Variants in PPFIA2 observed in about 807,000 individuals in gnomAD.
The protein encoded by PPFIA2 is PPFI scaffold protein A2.
Under a neutral mutation model 175.5 loss-of-function variants are expected in PPFIA2, and 46 were observed. The ratio of observed to expected loss-of-function variants is 0.26; its 90% CI spans 0.21 to 0.34. The LOEUF is 0.34. PPFIA2 is among the 10% of genes least tolerant of loss of function. The pLI is 1.00. For synonymous variants in PPFIA2, 568 were observed against 511.4 expected (o/e 1.11, Z -1.49); for missense variants, 1,179 against 1,506.1 (o/e 0.78, Z 3.60).
At chr12:81,706,189 G>A (rs112270774) in intron 3 of PPFIA2, among the ~76,000 whole-genome samples, 2 of 152,062 alleles carry the variant, frequency 1.3e-5, no homozygotes, top group African/African-American at 4.8e-5. Context: ...TGTCCAATAC[G>A]GAGTTTGCAA....
Position 81,563,223 on chromosome 12 carries a change from C to T in PPFIA2, c.304-105357G>A, listed in dbSNP as rs529926512. On this transcript the variant is annotated intron_variant, in intron 4 of 32. Coordinates refer to ENST00000549396, the MANE Select transcript of PPFIA2 (RefSeq NM_003625.5). ...TCTCCTCTGGTTTGTGACTCCACTACTTAGTCTGGGTCCCCCTTTCTTCTG... is the reference window on the plus strand; with the variant it reads ...TCTCCTCTGGTTTGTGACTCCACTATTTAGTCTGGGTCCCCCTTTCTTCTG... 1.6e-4 allele frequency among the ~76,000 whole-genome samples: 24 copies of T among 152,308 alleles called. No individual in the cohort carries two copies. The South Asian group carries it at 4.8e-3, about 30-fold the overall frequency.
At position 81,400,863 on chromosome 12, in the gene PPFIA2, G is replaced by T. The variant is rs140471222; in HGVS notation, c.762+4924C>A. On this transcript the variant is annotated intron_variant, in intron 8 of 32. Coordinates refer to ENST00000549396, the MANE Select transcript of PPFIA2 (RefSeq NM_003625.5). Reference sequence around the variant, plus strand: ...ATGCCGAGGATGTGCCTCATTTGTTGTATGGTCATTGAAGGATCAGTCAAC... The same window carrying T: ...ATGCCGAGGATGTGCCTCATTTGTTTTATGGTCATTGAAGGATCAGTCAAC... 2.8e-4 allele frequency among the ~76,000 whole-genome samples: 43 copies of T among 152,232 alleles called. 1 individual carries two copies. In the East Asian group the frequency reaches 7.3e-3, roughly 26 times the overall value.
At chr12:81,261,113 C>T (rs2035343210) in intron 32 of PPFIA2, 2 of 151,964 alleles carry the variant, frequency 1.3e-5, no homozygotes, top group South Asian at 2.1e-4. Flanking sequence ...TATTTTGTTC[C>T]TATATGTCTT....
chr12:81,436,855 G>GC (rs1192220998), intron 7 of PPFIA2, among the ~76,000 whole-genome samples: 1 of 152,080 alleles, frequency 6.6e-6, no homozygotes, highest in African/African-American at 2.4e-5. Context: ...TTCGAGTTAA[G>GC]CCACATGGAC....
intron 5 of PPFIA2, among the ~76,000 whole-genome samples, chr12:81,450,574 T>C (rs2052357104): frequency 6.6e-6 from 1 of 152,202 alleles, no homozygotes; most frequent in African/African-American, 2.4e-5. Flanking sequence ...AAAAATTTTC[T>C]CCCATTCTGT....
intron 3 of PPFIA2, among the ~76,000 whole-genome samples, chr12:81,724,235 A>G (rs1046267514): frequency 7.3e-5 from 11 of 151,016 alleles, no homozygotes; most frequent in Non-Finnish European, 1.3e-4. Flanking sequence ...ACATTGTGTT[A>G]TGCCTGACTG....
At chr12:81,418,592 T>C (rs1437320297) in intron 7 of PPFIA2, among the ~76,000 whole-genome samples, 1 of 151,974 alleles carries the variant, frequency 6.6e-6, no homozygotes, top group Non-Finnish European at 1.5e-5. Flanking sequence ...TCCACAATGG[T>C]AGAGAAGTTG....
intron 14 of PPFIA2, among the ~76,000 whole-genome samples, chr12:81,366,578 T>G (rs916139544): frequency 4.6e-5 from 7 of 151,706 alleles, no homozygotes; most frequent in Non-Finnish European, 1.0e-4. Context: ...TAATTTGGCA[T>G]TTGGCATCTG....
intron 4 of PPFIA2, among the ~76,000 whole-genome samples, chr12:81,577,494 A>T (rs1278961892): frequency 2.6e-5 from 4 of 151,960 alleles, no homozygotes; most frequent in Non-Finnish European, 5.9e-5. Context: ...TGTTCAAAAC[A>T]ATTCAAAGAA....
chr12:81,649,093 G>C (rs73364549), intron 4 of PPFIA2, among the ~76,000 whole-genome samples: 1,782 of 151,432 alleles, frequency 0.012, 55 homozygotes, highest in East Asian at 0.093. Flanking sequence ...TCAAAAACAA[G>C]GAAAAAAATA....
At position 81,277,284 on chromosome 12, in the gene PPFIA2, A is replaced by G. The variant is rs756964504; in HGVS notation, c.3310+33T>C. The G allele has an allele frequency of 6.0e-6, 9 of 1,508,834 alleles. No individual in the cohort carries two copies. The South Asian group carries it at 6.5e-5, about 11-fold the overall frequency. 93.5% of individuals were successfully genotyped at this position (1,508,834 alleles called of 1,614,324 possible). A position where few individuals can be genotyped will look rare whatever the true frequency, so the allele number is the denominator to read the frequency against. Reference sequence around the variant, plus strand: ...AAGTGAAAGCTAAAAACCCCAGAATAAAGGCATTTCATATGAAAGAAAGAT... The same window carrying G: ...AAGTGAAAGCTAAAAACCCCAGAATGAAGGCATTTCATATGAAAGAAAGAT... On this transcript the variant is annotated intron_variant, in intron 28 of 32. Transcript: ENST00000549396.
At chr12:81,753,345 T>C (rs1337071641) in intron 3 of PPFIA2, among the ~76,000 whole-genome samples, 1 of 152,014 alleles carries the variant, frequency 6.6e-6, no homozygotes. Context: ...ATACAAAGAT[T>C]GACAGAAATA....
intron 4 of PPFIA2, among the ~76,000 whole-genome samples, chr12:81,476,693 G>T (rs2057514838): frequency 6.6e-6 from 1 of 152,088 alleles, no homozygotes; most frequent in East Asian, 1.9e-4. Context: ...ATTTGACCCA[G>T]CAATCCAATT....
intron 30 of PPFIA2, among the ~76,000 whole-genome samples, chr12:81,264,609 A>G (rs1433012301): frequency 6.6e-6 from 1 of 152,220 alleles, no homozygotes; most frequent in Non-Finnish European, 1.5e-5. Context: ...GAATAATTCT[A>G]TAAGGTAGGC....
chr12:81,682,622 T>C (rs576256651), intron 3 of PPFIA2, among the ~76,000 whole-genome samples: 3 of 152,086 alleles, frequency 2.0e-5, no homozygotes, highest in African/African-American at 7.2e-5. Flanking sequence ...TTCAAGTCTT[T>C]AAAATATTTA....
intron 22 of PPFIA2, among the ~76,000 whole-genome samples, chr12:81,318,628 G>A (rs1296797829): frequency 6.6e-6 from 1 of 151,652 alleles, no homozygotes; most frequent in East Asian, 1.9e-4. Context: ...TTTAAATCAT[G>A]TGTGAAAGTG....
Position 81,353,129 on chromosome 12 carries a change from T to C in PPFIA2, c.1984A>G (p.Lys662Glu). Residue 662 changes from lysine (K) to glutamate (E), a missense_variant, in exon 17 of 33, where the codon AAA becomes GAA. Lys to Glu is a moderately conservative substitution (Grantham distance 56, BLOSUM62 1). This residue lies in a region of PPFIA2 where 11 missense variants were observed against 31.9 expected (regional missense o/e 0.35). Coordinates refer to ENST00000549396, the MANE Select transcript of PPFIA2 (RefSeq NM_003625.5). Reference protein sequence around the residue: ...MLQEQLDAINKEIRLIQEEKE... With the variant: ...MLQEQLDAINEEIRLIQEEKE... Reference sequence around the variant, plus strand: ...ACTAATTGAAGTTACCTGATTTCTTTGTTGATGGCATCCAATTGTTCCTGA... The same window carrying C: ...ACTAATTGAAGTTACCTGATTTCTTCGTTGATGGCATCCAATTGTTCCTGA... 6.2e-7 allele frequency: 1 copy of C among 1,613,774 alleles called. No homozygotes were observed. Among genetic ancestry groups the C allele is most frequent in the Non-Finnish European group, 8.5e-7 (1 of 1,179,750 alleles).
chr12:81,651,351 T>G lies in PPFIA2; in HGVS notation c.303+25440A>C, dbSNP rs137923897. On this transcript the variant is annotated intron_variant, in intron 4 of 32. Transcript: ENST00000549396. ...GAAAAACTGTTCTAATCTATTAAGATGTAAAACAGAGATTTATTCTTCCTG... is the reference window on the plus strand; with the variant it reads ...GAAAAACTGTTCTAATCTATTAAGAGGTAAAACAGAGATTTATTCTTCCTG... Among the ~76,000 whole-genome samples the G allele has an allele frequency of 5.3e-5, 8 of 152,288 alleles. 2 individuals carry two copies. The highest frequency in any genetic ancestry group is 1.9e-4 in the African/African-American group (8 of 41,574).
At chr12:81,676,982 A>G (rs1001321496) in intron 3 of PPFIA2, 138 bp from the exon 4 acceptor site, 4 of 465,044 alleles carry the variant, frequency 8.6e-6, no homozygotes, top group African/African-American at 4.1e-5. Context: ...AATCTTGGAC[A>G]CTGTAGTACT....
Sources: gnomAD v4.1 joint callset for allele counts (sites outside exome capture counted in the v4.1 genomes callset) on GRCh38, gnomAD v4.1.1 for gene constraint, gnomAD v4.1.1 regional missense constraint, MANE v1.5 for transcripts, NCBI Gene and HGNC (gene_info 2026-07-23, HGNC 2026-07-21) for gene names.